The following PSD3 variants were observed in gnomAD, a reference collection of about 807,000 sequenced individuals.
PSD3 encodes PH and SEC7 domain-containing protein 3.
A neutral mutation model predicts 105.5 loss-of-function variants in PSD3; 49 were observed. That is an observed-to-expected ratio of 0.46 (90% CI 0.37 to 0.59). The LOEUF (loss-of-function observed/expected upper bound fraction) is 0.59. PSD3 is among the 20% of genes least tolerant of loss of function. The probability of loss-of-function intolerance (pLI) is 0.00; values close to 1 mark genes in which losing one functional copy is unlikely to be tolerated. For synonymous variants in PSD3, 557 were observed against 457.8 expected (o/e 1.22, Z -2.77); for missense variants, 1,561 against 1,263.8 (o/e 1.24, Z -3.57).
intron 15 of PSD3, among the ~76,000 whole-genome samples, chr8:18,545,065 T>A (rs560643764): frequency 2.2e-4 from 33 of 152,322 alleles, no homozygotes; most frequent in Admixed American, 5.2e-4. Context: ...AAGAAGAGTA[T>A]GCAATTCCTG....
chr8:18,792,353 C>T lies in PSD3; in HGVS notation c.2082+6942G>A, dbSNP rs185315200. On this transcript the variant is annotated intron_variant, in intron 8 of 15. Coordinates refer to ENST00000327040, the MANE Select transcript of PSD3 (RefSeq NM_015310.4). ...AGGGCTGGATAAAGAAAATGTAGTACATATACACCATGGAATGCCATGCAG... is the reference window on the plus strand; with the variant it reads ...AGGGCTGGATAAAGAAAATGTAGTATATATACACCATGGAATGCCATGCAG... 4.0e-4 allele frequency among the ~76,000 whole-genome samples: 61 copies of T among 152,270 alleles called. 1 individual carries two copies. Among genetic ancestry groups the T allele is most frequent in the Admixed American group, 2.6e-3 (40 of 15,296 alleles).
intron 10 of PSD3, among the ~76,000 whole-genome samples, chr8:18,645,160 T>C (rs754491370): frequency 6.6e-6 from 1 of 152,226 alleles, no homozygotes; most frequent in Non-Finnish European, 1.5e-5. Flanking sequence ...AATTAGGTGT[T>C]ACCTCCTAAC....
intron 9 of PSD3, among the ~76,000 whole-genome samples, chr8:18,728,662 G>C (rs568813789): frequency 6.6e-6 from 1 of 152,346 alleles, no homozygotes; most frequent in East Asian, 1.9e-4. Context: ...GGGCCAAGCA[G>C]TCACCTTGAG....
At chr8:18,678,009 C>CAA (rs11404371) in intron 9 of PSD3, among the ~76,000 whole-genome samples, 15,337 of 134,266 alleles carry the variant, frequency 0.11, 2,515 homozygotes, top group African/African-American at 0.36. Context: ...GACTCTGTCT[C>CAA]AAAAAAAAAA....
chr8:18,568,864 A>C (rs1291790676), intron 14 of PSD3, among the ~76,000 whole-genome samples: 3 of 148,332 alleles, frequency 2.0e-5, no homozygotes, highest in African/African-American at 7.5e-5. Context: ...CACTCCCCCG[A>C]CCCCACAACA....
At chr8:18,616,036 G>A (rs1012637060) in intron 11 of PSD3, among the ~76,000 whole-genome samples, 1 of 152,184 alleles carries the variant, frequency 6.6e-6, no homozygotes, top group Non-Finnish European at 1.5e-5. Context: ...AGCCTCACTT[G>A]CTTTTCCCCA....
chr8:18,772,944 G>C (rs533714904), intron 8 of PSD3, among the ~76,000 whole-genome samples: 1 of 152,220 alleles, frequency 6.6e-6, no homozygotes, highest in South Asian at 2.1e-4. Context: ...CTCCTTATAG[G>C]TATATGATTT....
At chr8:18,723,630 G>A (rs991154473) in intron 9 of PSD3, among the ~76,000 whole-genome samples, 1 of 152,128 alleles carries the variant, frequency 6.6e-6, no homozygotes, top group African/African-American at 2.4e-5. Flanking sequence ...TCTCTCCCGA[G>A]GCCTTCCATA....
intron 14 of PSD3, among the ~76,000 whole-genome samples, chr8:18,563,931 G>T (rs544913678): frequency 6.6e-6 from 1 of 152,130 alleles, no homozygotes; most frequent in Non-Finnish European, 1.5e-5. Context: ...ATTCCAAAGT[G>T]GGGTGTGTGT....
rs147984611 is a variant in PSD3, at chr8:18,807,514, G to A, written c.1635-2616C>T. Among the ~76,000 whole-genome samples, 634 of 152,326 alleles carry A rather than the reference G, an allele frequency of 4.2e-3. 12 individuals are homozygous for A. In the South Asian group the frequency reaches 0.057, roughly 14 times the overall value. On this transcript the variant is annotated intron_variant, in intron 4 of 15. Transcript: ENST00000327040. ...ATACCATGGGAGAAGCTGGGAATAC[G>A]AAGTTAGGTCTACCAAACCCATGCT...
chr8:18,611,466 T>C (rs531187818), intron 11 of PSD3, among the ~76,000 whole-genome samples: 1 of 152,156 alleles, frequency 6.6e-6, no homozygotes, highest in Non-Finnish European at 1.5e-5. Context: ...AGAACCTGGT[T>C]TGAGATACTG....
upstream of PSD3, among the ~76,000 whole-genome samples, chr8:19,018,512 T>A (rs1247628159): frequency 2.4e-4 from 36 of 152,310 alleles, 1 homozygote; most frequent in Admixed American, 2.3e-3. Flanking sequence ...AAAAAACATA[T>A]AATTTTGAAT....
intron 14 of PSD3, among the ~76,000 whole-genome samples, chr8:18,571,210 C>T (rs1475587136): frequency 6.6e-6 from 1 of 152,136 alleles, no homozygotes; most frequent in African/African-American, 2.4e-5. Context: ...CATCCAAAAT[C>T]CTACACACGA....
At chr8:18,622,573 A>T (rs535766094) in intron 11 of PSD3, among the ~76,000 whole-genome samples, 4 of 152,086 alleles carry the variant, frequency 2.6e-5, no homozygotes, top group Admixed American at 2.0e-4. Context: ...TTAGTGAAAA[A>T]TTTTTTCCCC....
chr8:18,719,545 T>G (rs1802817754), intron 9 of PSD3, among the ~76,000 whole-genome samples: 1 of 152,204 alleles, frequency 6.6e-6, no homozygotes. Flanking sequence ...AGAATCTCAC[T>G]TGAACAAGAC....
At chr8:18,659,412 T>C (rs1245521888) in intron 9 of PSD3, among the ~76,000 whole-genome samples, 1 of 152,210 alleles carries the variant, frequency 6.6e-6, no homozygotes, top group Non-Finnish European at 1.5e-5. Flanking sequence ...TCAGAGATCA[T>C]GAAACAAAGG....
intron 14 of PSD3, among the ~76,000 whole-genome samples, chr8:18,562,931 G>GA (rs79666529): frequency 0.18 from 218 of 1,244 alleles, 7 homozygotes; most frequent in Middle Eastern, 0.5. Flanking sequence ...AAAAGAAAAA[G>GA]AAAAAACAAA....
intron 11 of PSD3, among the ~76,000 whole-genome samples, chr8:18,611,460 C>G (rs562192716): frequency 1.2e-4 from 18 of 152,162 alleles, no homozygotes; most frequent in African/African-American, 3.9e-4. Context: ...AACCAGAGAA[C>G]CTGGTTTGAG....
chr8:18,655,221 C>A (rs57161598), intron 10 of PSD3, among the ~76,000 whole-genome samples: 1 of 149,674 alleles, frequency 6.7e-6, no homozygotes, highest in Non-Finnish European at 1.5e-5. Flanking sequence ...CCCAGCTACT[C>A]GGGAGGCTGA....
Sources: allele counts gnomAD v4.1 joint callset (sites outside exome capture counted in the v4.1 genomes callset), GRCh38; gene constraint gnomAD v4.1.1; transcripts MANE v1.5; gene names NCBI Gene and HGNC (gene_info 2026-07-23, HGNC 2026-07-21).